SUSD1: variants seen among roughly 807,000 people sequenced by gnomAD.
SUSD1 encodes the protein sushi domain containing 1.
A neutral mutation model predicts 86.9 loss-of-function variants in SUSD1; 65 were observed. The ratio of observed to expected loss-of-function variants is 0.75; its 90% confidence interval spans 0.61 to 0.92. The LOEUF is 0.92. Among genes scored for constraint, SUSD1 ranks in the 40% least tolerant of loss-of-function variants. SUSD1 has a pLI of 0.00. For synonymous variants in SUSD1, 346 were observed against 350.0 expected, an observed-to-expected ratio of 0.99 and a Z score of 0.13; for missense variants, 850 against 929.7, an observed-to-expected ratio of 0.91 and a Z score of 1.11.
Position 112,113,643 on chromosome 9 carries a change from A to T in SUSD1, c.887-775T>A, listed in dbSNP as rs1831192588. 1.3e-5 allele frequency among the ~76,000 whole-genome samples: 2 copies of T among 152,182 alleles called. No individual in the cohort carries two copies. Among genetic ancestry groups the T allele is most frequent in the African/African-American group, 4.8e-5 (2 of 41,450 alleles). Reference sequence around the variant, plus strand: ...CTAGCTTTTTATTTCTTTGAAATCAAATTCCCAGCCGAGTGCAGTGGCTCA... The same window carrying T: ...CTAGCTTTTTATTTCTTTGAAATCATATTCCCAGCCGAGTGCAGTGGCTCA... On this transcript the variant is annotated intron_variant, in intron 6 of 16. Coordinates refer to ENST00000374270, the MANE Select transcript of SUSD1 (RefSeq NM_022486.5). This position sits in a 1 kb window ranked among gnomAD's most constrained non-coding sequence, Gnocchi z 4.1.
At chr9:112,133,661 A>G (rs1389768922) in intron 5 of SUSD1, among the ~76,000 whole-genome samples, 1 of 152,232 alleles carries the variant, frequency 6.6e-6, no homozygotes, top group African/African-American at 2.4e-5. Flanking sequence ...GCCTTGGGAA[A>G]TAGTTTTTTA....
At chr9:112,138,352 A>G (rs1832405473) in intron 5 of SUSD1, among the ~76,000 whole-genome samples, 1 of 140,910 alleles carries the variant, frequency 7.1e-6, no homozygotes, top group Admixed American at 7.4e-5. Flanking sequence ...CATTCTAAAC[A>G]TTTTTCTAAG....
Position 112,111,743 on chromosome 9 carries a change from G to A in SUSD1, c.1082C>T (p.Ala361Val). Residue 361 changes from alanine to valine, a missense_variant, in exon 8 of 17, where the codon GCC (alanine) becomes GTC (valine). By Grantham distance (64) the Ala-to-Val change is moderately conservative. Coordinates refer to ENST00000374270, the MANE Select transcript of SUSD1 (RefSeq NM_022486.5). ...TDSRTPEVCL[A>V]LYPGTNYTVN... is the part of the protein sequence containing the mutation. The stretch of plus-strand genomic sequence containing the variant: ...GGTGTAGTTGGTGCCTGGGTACAGG[G>A]CTAGGCACACTTCTGGGGTCCTGCT... The A allele has an allele frequency of 4.3e-6, 7 of 1,614,164 alleles. No homozygotes were observed. The highest frequency in any genetic ancestry group is 5.9e-6 in the Non-Finnish European group (7 of 1,180,028).
At chr9:112,074,735 C>T (rs1156849106) in intron 12 of SUSD1, among the ~76,000 whole-genome samples, 1 of 151,872 alleles carries the variant, frequency 6.6e-6, no homozygotes, top group East Asian at 1.9e-4. Context: ...CCACGAGTAT[C>T]TCTGCACATC....
intron 8 of SUSD1, 45 bp downstream of exon 8, chr9:112,111,609 T>A (rs370747063): frequency 1.5e-4 from 233 of 1,592,556 alleles, no homozygotes; most frequent in Non-Finnish European, 1.9e-4. Flanking sequence ...CCACATTCTG[T>A]GCTTAGCATT....
intron 2 of SUSD1, among the ~76,000 whole-genome samples, chr9:112,156,356 A>G (rs919789950): frequency 2.0e-5 from 3 of 151,746 alleles, no homozygotes; most frequent in Non-Finnish European, 2.9e-5. Flanking sequence ...CAGCTACTCA[A>G]GAGGCTGAAG....
intron 6 of SUSD1, among the ~76,000 whole-genome samples, chr9:112,115,787 C>A (rs77665455): frequency 8.8e-6 from 1 of 114,012 alleles, no homozygotes; most frequent in Non-Finnish European, 1.6e-5. Flanking sequence ...GCAGCCTGGG[C>A]GGCAGAATGA....
intron 5 of SUSD1, among the ~76,000 whole-genome samples, chr9:112,138,223 CA>C (rs1192532172): frequency 2.8e-3 from 11 of 3,948 alleles, no homozygotes; most frequent in African/African-American, 8.4e-3. Flanking sequence ...GACTCCATCT[CA>C]AAAAAAAAAT....
chr9:112,106,820 GA>G (rs1168762551), intron 8 of SUSD1, among the ~76,000 whole-genome samples: 1 of 140,060 alleles, frequency 7.1e-6, no homozygotes, highest in Non-Finnish European at 1.5e-5. Context: ...TAACACTGGT[GA>G]AAAAAGAAAT....
At chr9:112,107,270 A>AG (rs1249340658) in intron 8 of SUSD1, among the ~76,000 whole-genome samples, 2 of 148,630 alleles carry the variant, frequency 1.3e-5, no homozygotes, top group Admixed American at 6.6e-5. Context: ...AAAAAAAAAA[A>AG]AAAGAAAAGA....
rs1281187682 is a variant in SUSD1 at position 112,113,296 on chromosome 9, A to C, written c.887-428T>G. Among the ~76,000 whole-genome samples the C allele has an allele frequency of 6.6e-6, 1 of 152,190 alleles. No individual in the cohort carries two copies. Among genetic ancestry groups the C allele is most frequent in the African/African-American group, 2.4e-5 (1 of 41,448 alleles). On this transcript the variant is annotated intron_variant, in intron 6 of 16. Transcript: ENST00000374270. The surrounding 1 kb of genome is among the most constrained non-coding windows in gnomAD (Gnocchi z 4.1). ...TGGGAAACTCCTTCAAGTCACTGCT[A>C]TCCCCAGGGGGAAAATGACATGTCT...
At chr9:112,142,940 CTTTAAG>C (rs1426889828) in intron 4 of SUSD1, among the ~76,000 whole-genome samples, 2 of 115,686 alleles carry the variant, frequency 1.7e-5, no homozygotes, top group Non-Finnish European at 3.4e-5. Flanking sequence ...AATAAAAATC[CTTTAAG>C]TTTATGAATT....
At chr9:112,138,580 C>CT (rs1455120337) in intron 5 of SUSD1, among the ~76,000 whole-genome samples, 2 of 151,332 alleles carry the variant, frequency 1.3e-5, no homozygotes, top group African/African-American at 4.9e-5. Context: ...TCCTGAGTAG[C>CT]TGGGATTACA....
intron 1 of SUSD1, among the ~76,000 whole-genome samples, chr9:112,165,942 GAAGA>G (rs10525522): frequency 0.028 from 1,981 of 71,930 alleles, 30 homozygotes; most frequent in South Asian, 0.077. Context: ...AAGAAAGAAA[GAAGA>G]AAGAAAGAAA....
At chr9:112,078,812 T>C (rs1490709603) in intron 11 of SUSD1, 88 bp from the exon 12 acceptor site, 1 of 186,812 alleles carries the variant, frequency 5.4e-6, no homozygotes, top group Non-Finnish European at 8.3e-6. Context: ...TTTCTTTCTC[T>C]TTTTTTTTTT....
At chr9:112,141,570 G>A (rs1181045253) in intron 5 of SUSD1, among the ~76,000 whole-genome samples, 2 of 151,550 alleles carry the variant, frequency 1.3e-5, no homozygotes, top group Non-Finnish European at 2.9e-5. Flanking sequence ...CCAGCTACTC[G>A]AGTGGATGAG....
At chr9:112,140,583 T>A (rs1832522772) in intron 5 of SUSD1, among the ~76,000 whole-genome samples, 1 of 151,144 alleles carries the variant, frequency 6.6e-6, no homozygotes, top group African/African-American at 2.4e-5. Context: ...AAAGCCAAAA[T>A]TTTTAAAAAA....
At chr9:112,045,499 CATT>C (rs992728140) in intron 15 of SUSD1, among the ~76,000 whole-genome samples, 6 of 94,704 alleles carry the variant, frequency 6.3e-5, no homozygotes, top group African/African-American at 4.0e-4. Context: ...TCCACAAGGA[CATT>C]ATTGTTATTA....
intron 10 of SUSD1, among the ~76,000 whole-genome samples, chr9:112,083,699 A>G (rs1829861549): frequency 6.6e-6 from 1 of 152,240 alleles, no homozygotes; most frequent in Non-Finnish European, 1.5e-5. Context: ...AACACTTCTC[A>G]ATCACTTCTC....
Sources: allele counts gnomAD v4.1 joint callset (sites outside exome capture counted in the v4.1 genomes callset), GRCh38; gene constraint gnomAD v4.1.1; non-coding constraint Gnocchi (gnomAD v3.1); transcripts MANE v1.5; gene names NCBI Gene and HGNC (gene_info 2026-07-23, HGNC 2026-07-21).